Variants in GTF2E1 observed in about 807,000 individuals in gnomAD.
GTF2E1 encodes the protein general transcription factor IIE subunit 1.
Under a neutral mutation model 34.9 loss-of-function variants are expected in GTF2E1, and 14 were observed. The observed-to-expected ratio is 0.40, with a 90% CI of 0.27 to 0.63. The LOEUF is 0.63. Among genes scored for constraint, GTF2E1 ranks in the 20% least tolerant of loss-of-function variants. The pLI, the probability that GTF2E1 is intolerant of heterozygous loss-of-function variation, is 0.39. For missense variants in GTF2E1, 469 were observed against 557.7 expected (o/e 0.84, Z 1.60); for synonymous variants, 188 against 192.9 (o/e 0.97, Z 0.21).
intron 2 of GTF2E1, among the ~76,000 whole-genome samples, chr3:120,765,787 A>G (rs943708754): frequency 6.6e-6 from 1 of 152,182 alleles, no homozygotes; most frequent in African/African-American, 2.4e-5. Flanking sequence ...GTTTCTGAGT[A>G]TAGCTTATCA....
rs111927133 is a variant in GTF2E1, at chr3:120,774,803, TG to T, written c.651-1617del. Reference sequence around the variant, plus strand: ...ACAGGCACCGGGAAGAAAAAGGCTGTGGGAGAAAGTGGTTTACAAAGTAGCC... The same window carrying T: ...ACAGGCACCGGGAAGAAAAAGGCTGTGGAGAAAGTGGTTTACAAAGTAGCC... On this transcript the variant is annotated intron_variant, in intron 3 of 4. Transcript: ENST00000283875. Among the ~76,000 whole-genome samples the T allele has an allele frequency of 5.7e-3, 861 of 152,090 alleles. 12 individuals carry two copies. Among genetic ancestry groups the T allele is most frequent in the African/African-American group, 0.02 (829 of 41,502 alleles).
At chr3:120,744,927 C>CT (rs35806612) in intron 1 of GTF2E1, among the ~76,000 whole-genome samples, 10,929 of 146,234 alleles carry the variant, frequency 0.075, 1,262 homozygotes, top group East Asian at 0.46. Context: ...CCATTAATCA[C>CT]TTTTTTTTTT....
intron 3 of GTF2E1, among the ~76,000 whole-genome samples, chr3:120,771,958 A>G (rs1490865407): frequency 6.6e-6 from 1 of 152,224 alleles, no homozygotes; most frequent in Non-Finnish European, 1.5e-5. Flanking sequence ...GAAGTAGTAC[A>G]GTTCAAAACT....
intron 2 of GTF2E1, among the ~76,000 whole-genome samples, chr3:120,764,388 T>A (rs965611884): frequency 2.6e-5 from 4 of 152,192 alleles, no homozygotes; most frequent in Non-Finnish European, 5.9e-5. Context: ...AGACATTTGA[T>A]CTTCCCTGTT....
intron 1 of GTF2E1, among the ~76,000 whole-genome samples, chr3:120,749,273 A>G (rs1459651658): frequency 1.3e-5 from 2 of 152,118 alleles, no homozygotes; most frequent in African/African-American, 2.4e-5. Flanking sequence ...TGCCCTGGCC[A>G]GAACTTCCAA....
At chr3:120,766,641 A>G (rs1190722128) in intron 2 of GTF2E1, among the ~76,000 whole-genome samples, 1 of 152,056 alleles carries the variant, frequency 6.6e-6, no homozygotes, top group African/African-American at 2.4e-5. Context: ...TTACCTTCTC[A>G]ATAAGCTTTT....
At chr3:120,753,438 C>T (rs1011139432) in intron 2 of GTF2E1, among the ~76,000 whole-genome samples, 3 of 152,120 alleles carry the variant, frequency 2.0e-5, no homozygotes, top group Non-Finnish European at 4.4e-5. Context: ...TATTTCTGAT[C>T]AAGTGATGGA....
chr3:120,764,870 A>G (rs1315590409), intron 2 of GTF2E1, among the ~76,000 whole-genome samples: 1 of 152,154 alleles, frequency 6.6e-6, no homozygotes, highest in Non-Finnish European at 1.5e-5. Flanking sequence ...GTTTGTTAAA[A>G]TGAAATATGT....
intron 1 of GTF2E1, among the ~76,000 whole-genome samples, chr3:120,750,118 T>G (rs1320608673): frequency 6.6e-6 from 1 of 152,166 alleles, no homozygotes; most frequent in Non-Finnish European, 1.5e-5. Flanking sequence ...GGTAGAAAAA[T>G]TTTACTCAAG....
intron 2 of GTF2E1, among the ~76,000 whole-genome samples, chr3:120,760,806 G>T (rs1337665023): frequency 6.6e-6 from 1 of 152,168 alleles, no homozygotes; most frequent in Non-Finnish European, 1.5e-5. Flanking sequence ...GCTTTTTGAT[G>T]TGCTGCTGGA....
At position 120,781,677 on chromosome 3, in the gene GTF2E1, T is replaced by G. The variant is rs1341071814; in HGVS notation, c.*207T>G. ...TGCTGAGAATCCTACCCTTCCTTGC[T>G]GTCACTACAGTATTAATATTTTACT... On this transcript the variant is annotated 3_prime_UTR_variant, in exon 5 of 5. Coordinates refer to ENST00000283875, the MANE Select transcript of GTF2E1 (RefSeq NM_005513.3). The G allele has an allele frequency of 1.7e-6, 1 of 575,026 alleles. No individual in the cohort carries two copies. The highest frequency in any genetic ancestry group is 3.1e-6 in the Non-Finnish European group (1 of 322,804). The allele number at this position is 575,026 out of a possible 1,614,324, so 35.6% of individuals were successfully genotyped here. A position where few individuals can be genotyped will look rare whatever the true frequency, so the allele number is the denominator to read the frequency against.
intron 1 of GTF2E1, 48 bp from the exon 2 acceptor site, chr3:120,750,475 T>G: frequency 9.0e-7 from 1 of 1,110,002 alleles, no homozygotes; most frequent in Admixed American, 2.1e-5. Flanking sequence ...TGGATATGAT[T>G]ACCATGTTCT....
intron 3 of GTF2E1, 79 bp from the exon 4 acceptor site, chr3:120,776,344 C>A: frequency 7.8e-7 from 1 of 1,274,092 alleles, no homozygotes; most frequent in Admixed American, 2.1e-5. Context: ...TCAGTAATTG[C>A]CTCCCTAGCT....
In GTF2E1 at chr3:120,750,536, G is replaced by A. The variant is rs370873762; in HGVS notation, c.-17G>A. On this transcript the variant is annotated 5_prime_UTR_variant, in exon 2 of 5. Transcript: ENST00000283875. Reference sequence around the variant, plus strand: ...TTTTGAATTCAGTATATTTAAAGTTGGAGTTCGTTGCTAAAGATGGCAGAC... The same window carrying A: ...TTTTGAATTCAGTATATTTAAAGTTAGAGTTCGTTGCTAAAGATGGCAGAC... 2 of 1,585,534 alleles carry A rather than the reference G, an allele frequency of 1.3e-6. No homozygotes were observed. The highest frequency in any genetic ancestry group is 1.7e-6 in the Non-Finnish European group (2 of 1,158,090).
chr3:120,768,649 T>C (rs1253802891), intron 2 of GTF2E1, among the ~76,000 whole-genome samples: 1 of 152,208 alleles, frequency 6.6e-6, no homozygotes, highest in East Asian at 1.9e-4. Context: ...AGTCCCAGTC[T>C]CACATTGGTG....
chr3:120,764,676 T>TTCTGCCC (rs1709291933), intron 2 of GTF2E1, among the ~76,000 whole-genome samples: 1 of 152,242 alleles, frequency 6.6e-6, no homozygotes, highest in Non-Finnish European at 1.5e-5. Context: ...TAATAATGTC[T>TTCTGCCC]TCTGCCCTAG....
chr3:120,763,196 T>G (rs1444115972), intron 2 of GTF2E1, among the ~76,000 whole-genome samples: 1 of 152,208 alleles, frequency 6.6e-6, no homozygotes, highest in Non-Finnish European at 1.5e-5. Flanking sequence ...GAATTTGATT[T>G]GGGCCTAATT....
chr3:120,753,335 T>TA (rs745449984), intron 2 of GTF2E1, among the ~76,000 whole-genome samples: 4 of 152,260 alleles, frequency 2.6e-5, no homozygotes, highest in South Asian at 2.1e-4. Context: ...CTGTAATAAT[T>TA]ATGCCTTGTC....
chr3:120,777,721 A>G (rs1709413358), intron 4 of GTF2E1, among the ~76,000 whole-genome samples: 1 of 152,108 alleles, frequency 6.6e-6, no homozygotes, highest in African/African-American at 2.4e-5. Flanking sequence ...TTCCTCACTG[A>G]TTAGCCTGCC....
Sources: gnomAD v4.1 joint callset for allele counts (sites outside exome capture counted in the v4.1 genomes callset) on GRCh38, gnomAD v4.1.1 for gene constraint, MANE v1.5 for transcripts, NCBI Gene and HGNC (gene_info 2026-07-23, HGNC 2026-07-21) for gene names.